Variants in AHNAK observed in about 807,000 individuals in gnomAD.
AHNAK encodes the protein AHNAK nucleoprotein, also known as neuroblast differentiation-associated protein AHNAK.
In AHNAK, 23 loss-of-function variants were observed where a neutral mutation model predicts 37.8. The observed-to-expected ratio is 0.61, with a 90% CI of 0.44 to 0.86. AHNAK has a LOEUF of 0.86. Among genes scored for constraint, AHNAK ranks in the 40% least tolerant of loss-of-function variants. AHNAK has a pLI of 0.00. For synonymous variants in AHNAK, 2,481 were observed against 2,636.3 expected (o/e 0.94, Z 1.80); for missense variants, 7,411 against 7,319.4 (o/e 1.01, Z -0.46).
At chr11:62,471,188 A>G (rs1423036754) in intron 5 of AHNAK, among the ~76,000 whole-genome samples, 2 of 152,252 alleles carry the variant, frequency 1.3e-5, no homozygotes, top group Non-Finnish European at 2.9e-5. Flanking sequence ...GTTTCTTAAT[A>G]GTGACGCCTT....
rs1300700078 is a variant in AHNAK at position 62,520,811 on chromosome 11, C to T, written c.13606G>A (p.Asp4536Asn). The T allele has an allele frequency of 6.2e-7, 1 of 1,614,094 alleles. No homozygotes were observed. Among genetic ancestry groups the T allele is most frequent in the Admixed American group, 1.7e-5 (1 of 59,992 alleles). ...LNLKGPKIKG[D>N]MDISVPKLEG... Reference sequence around the variant, plus strand: ...AGTTTAGGAACGGAAATGTCCATATCTCCTTTTATCTTAGGTCCTTTCAAA... The same window carrying T: ...AGTTTAGGAACGGAAATGTCCATATTTCCTTTTATCTTAGGTCCTTTCAAA... The change falls in exon 5 of 5, where the codon GAT becomes AAT. Residue 4536 changes from aspartate to asparagine, a missense_variant. Coordinates refer to ENST00000378024, the MANE Select transcript of AHNAK (RefSeq NM_001620.3).
intron 5 of AHNAK, among the ~76,000 whole-genome samples, chr11:62,486,758 G>GT (rs11288520): frequency 6.7e-6 from 1 of 149,732 alleles, no homozygotes; most frequent in African/African-American, 2.4e-5. Flanking sequence ...TTTACCACCA[G>GT]TTTTTTTTTT....
At chr11:62,452,700 C>A (rs1365730822) in intron 5 of AHNAK, among the ~76,000 whole-genome samples, 1 of 152,144 alleles carries the variant, frequency 6.6e-6, no homozygotes, top group Non-Finnish European at 1.5e-5. Flanking sequence ...TCTTCCTGGG[C>A]TCACACAATG....
At chr11:62,469,944 A>G (rs1373934601) in intron 5 of AHNAK, among the ~76,000 whole-genome samples, 1 of 152,180 alleles carries the variant, frequency 6.6e-6, no homozygotes, top group African/African-American at 2.4e-5. Flanking sequence ...ACCAAAAATC[A>G]CATGAAAAAC....
intron 5 of AHNAK, among the ~76,000 whole-genome samples, chr11:62,485,213 C>T (rs661414): frequency 0.094 from 14,230 of 152,070 alleles, 1,880 homozygotes; most frequent in African/African-American, 0.3. Flanking sequence ...AGTCTGGGCA[C>T]CATAGTGAGA....
intron 5 of AHNAK, among the ~76,000 whole-genome samples, chr11:62,443,576 C>G (rs1269504614): frequency 2.0e-5 from 3 of 152,128 alleles, no homozygotes; most frequent in Admixed American, 6.6e-5. Flanking sequence ...CCGGCTGGGT[C>G]TTGCTCATCT....
chr11:62,474,793 C>T (rs17145915), intron 5 of AHNAK, among the ~76,000 whole-genome samples: 1 of 152,144 alleles, frequency 6.6e-6, no homozygotes, highest in South Asian at 2.1e-4. Flanking sequence ...AGTGAGCAAA[C>T]AATGTCCCAA....
intron 5 of AHNAK, among the ~76,000 whole-genome samples, chr11:62,476,611 A>G (rs1939152438): frequency 2.0e-5 from 3 of 152,182 alleles, no homozygotes; most frequent in Non-Finnish European, 1.5e-5. Context: ...GTGCCTCATG[A>G]GCTGAGCAAA....
In AHNAK at chr11:62,536,323, G is replaced by A. The variant is rs1940946389; in HGVS notation, c.-1+146C>T. On this transcript the variant is annotated intron_variant, in intron 2 of 4. Coordinates refer to ENST00000378024, the MANE Select transcript of AHNAK (RefSeq NM_001620.3). ...TCTCCCAAGGCACAGCAAAGAAGAT[G>A]GAAAGGAGACAGCAGAGGCAACTGG... 1.1e-5 allele frequency: 5 copies of A among 468,620 alleles called. No individual in the cohort carries two copies. In the Admixed American group the frequency reaches 1.6e-4, roughly 15 times the overall value. The allele number at this position is 468,620 out of a possible 1,614,324, so 29.0% of individuals were successfully genotyped here. A position where few individuals can be genotyped will look rare whatever the true frequency, so the allele number is the denominator to read the frequency against.
chr11:62,447,848 T>C (rs998959521), intron 5 of AHNAK, among the ~76,000 whole-genome samples: 1 of 149,132 alleles, frequency 6.7e-6, no homozygotes, highest in Non-Finnish European at 1.5e-5. Flanking sequence ...ATAGGTATGG[T>C]AGAGTTGACA....
chr11:62,444,605 T>G (rs933862137), intron 5 of AHNAK, among the ~76,000 whole-genome samples: 3 of 152,248 alleles, frequency 2.0e-5, no homozygotes, highest in African/African-American at 7.2e-5. Context: ...TCTCTATTTA[T>G]CTCCAAAGTG....
chr11:62,524,504 A>G lies in AHNAK; in HGVS notation c.9913T>C (p.Ser3305Pro), dbSNP rs747046166. ...MPEIDLNLKGSKLKGDVDVSG... is the reference protein window; with the variant it reads ...MPEIDLNLKGPKLKGDVDVSG... ...ACATCAACATCTCCCTTAAGCTTTG[A>G]GCCTTTCAAATTCAAGTCAATTTCT... is the stretch of plus-strand genomic sequence containing the variant. The change falls in exon 5 of 5, where the codon TCA becomes CCA. Residue 3305 changes from serine to proline, a missense_variant. By Grantham distance (74) the Ser-to-Pro change is moderately conservative. Transcript: ENST00000378024. The G allele has an allele frequency of 1.2e-6, 2 of 1,613,998 alleles. No individual in the cohort carries two copies. The highest frequency in any genetic ancestry group is 1.7e-6 in the Non-Finnish European group (2 of 1,179,988).
intron 5 of AHNAK, among the ~76,000 whole-genome samples, chr11:62,474,080 A>C (rs1939094942): frequency 2.0e-5 from 3 of 152,130 alleles, no homozygotes. Context: ...ACATATATCA[A>C]ATATGTCAAT....
At chr11:62,534,918 G>A in intron 4 of AHNAK, 85 bp downstream of exon 4, 1 of 1,430,468 alleles carries the variant, frequency 7.0e-7, no homozygotes, top group Non-Finnish European at 9.6e-7. Context: ...AGGGTCCGGA[G>A]GCACATGGAA....
intron 5 of AHNAK, among the ~76,000 whole-genome samples, chr11:62,490,527 G>A (rs1440810203): frequency 1.3e-5 from 2 of 152,098 alleles, no homozygotes; most frequent in African/African-American, 4.8e-5. Context: ...AGGAGGTGGA[G>A]TATGTCCCTG....
intron 5 of AHNAK, among the ~76,000 whole-genome samples, chr11:62,480,873 G>A (rs1410372932): frequency 2.7e-5 from 4 of 149,832 alleles, no homozygotes; most frequent in Non-Finnish European, 4.4e-5. Context: ...AATGCGCAGC[G>A]TGAAGAAATG....
chr11:62,499,052 T>C (rs1365252355), intron 4 of AHNAK, among the ~76,000 whole-genome samples: 1 of 152,130 alleles, frequency 6.6e-6, no homozygotes. Flanking sequence ...CCGCCTCGCT[T>C]CTCCCACTTC....
At chr11:62,446,634 C>A (rs1160337555) in intron 5 of AHNAK, among the ~76,000 whole-genome samples, 1 of 152,092 alleles carries the variant, frequency 6.6e-6, no homozygotes, top group African/African-American at 2.4e-5. Context: ...TGAGGGGGAT[C>A]TGTCCTGGCC....
At chr11:62,513,631 G>A (rs1208989824), downstream of AHNAK, among the ~76,000 whole-genome samples, 6 of 152,232 alleles carry the variant, frequency 3.9e-5, no homozygotes, top group East Asian at 1.2e-3. Flanking sequence ...CAGGGCGAGG[G>A]AGCTGGGGTG....
Sources: gnomAD v4.1 joint callset for allele counts (sites outside exome capture counted in the v4.1 genomes callset) on GRCh38, gnomAD v4.1.1 for gene constraint, MANE v1.5 for transcripts, NCBI Gene and HGNC (gene_info 2026-07-23, HGNC 2026-07-21) for gene names.